Variants in DPP10 observed in about 807,000 individuals in gnomAD.
DPP10 encodes the protein inactive dipeptidyl peptidase 10.
DPP10 carries 33 observed loss-of-function variants against 120.9 expected under a neutral mutation model. That is an observed-to-expected ratio of 0.27 (90% CI 0.21 to 0.37). The LOEUF (loss-of-function observed/expected upper bound fraction) is 0.37. Ranked by LOEUF, DPP10 falls within the 10% of genes least tolerant of loss-of-function variation. DPP10 has a pLI of 1.00. For missense variants in DPP10, 816 were observed against 942.8 expected, an observed-to-expected ratio of 0.87 and a Z score of 1.76; for synonymous variants, 337 against 326.1, an observed-to-expected ratio of 1.03 and a Z score of -0.36.
chr2:115,203,319 C>A (rs2055878067), intron 1 of DPP10, among the ~76,000 whole-genome samples: 3 of 152,128 alleles, frequency 2.0e-5, no homozygotes, highest in Admixed American at 2.0e-4. Context: ...TGTGTAATTT[C>A]AATAGATGCT....
chr2:115,456,445 C>A lies in DPP10; in HGVS notation c.272-43065C>A, dbSNP rs577736436. On this transcript the variant is annotated intron_variant, in intron 3 of 25. Transcript: ENST00000410059. ...GAACTAGAAATACCATTTGACCCAG[C>A]AATCCCATTATTGGGTATATACCCA... 3.0e-4 allele frequency among the ~76,000 whole-genome samples: 46 copies of A among 152,234 alleles called. 2 individuals are homozygous for A. The East Asian group carries it at 8.7e-3, about 29-fold the overall frequency.
chr2:115,808,297 T>A (rs779157638), intron 19 of DPP10, among the ~76,000 whole-genome samples: 10 of 152,096 alleles, frequency 6.6e-5, no homozygotes, highest in Non-Finnish European at 1.0e-4. Context: ...AGACTAGAGG[T>A]CAAGAATACT....
intron 1 of DPP10, among the ~76,000 whole-genome samples, chr2:115,044,445 T>C (rs774176290): frequency 5.3e-5 from 8 of 152,150 alleles, no homozygotes; most frequent in African/African-American, 9.7e-5. Context: ...ACATGTGCCA[T>C]GTTGGTGTGC....
chr2:114,556,814 A>G (rs779510157), intron 1 of DPP10, among the ~76,000 whole-genome samples: 1 of 152,154 alleles, frequency 6.6e-6, no homozygotes, highest in African/African-American at 2.4e-5. Context: ...AGTGTAGCAT[A>G]GTAAAATTCT....
rs765566596 is a variant in DPP10, at chr2:115,762,592, T to C, written c.1095T>C (p.Asp365=). The C allele has an allele frequency of 7.4e-6, 12 of 1,613,506 alleles. No homozygotes were observed. In the Admixed American group the frequency reaches 2.0e-4, roughly 27 times the overall value. Residue 365 remains aspartate (D), a synonymous_variant, in exon 12 of 26, where the codon GAT becomes GAC. Transcript: ENST00000410059. ...TTCAGAAATATGAGATGACATCAGA[T>C]ACGTGGCTCTCTCAGCAGGTACAGT... is the stretch of plus-strand genomic sequence containing the variant. ...ACSKKYEMTS[D]TWLSQQNEEP...
intron 5 of DPP10, among the ~76,000 whole-genome samples, chr2:115,661,962 A>T (rs2089015631): frequency 6.6e-6 from 1 of 152,188 alleles, no homozygotes; most frequent in Non-Finnish European, 1.5e-5. Context: ...TTAGGTCTCT[A>T]GAACTTACCC....
At chr2:115,070,886 C>T (rs2105452403) in intron 1 of DPP10, among the ~76,000 whole-genome samples, 1 of 152,174 alleles carries the variant, frequency 6.6e-6, no homozygotes, top group Non-Finnish European at 1.5e-5. Flanking sequence ...TGCACTTAGC[C>T]TTCACCTAAT....
chr2:115,365,464 A>T (rs940671530), intron 3 of DPP10, among the ~76,000 whole-genome samples: 6 of 152,138 alleles, frequency 3.9e-5, no homozygotes, highest in Admixed American at 3.9e-4. Context: ...CAAGCAGAAA[A>T]TAAATGCATT....
chr2:114,954,385 G>C (rs1698049601), intron 1 of DPP10, among the ~76,000 whole-genome samples: 1 of 151,962 alleles, frequency 6.6e-6, no homozygotes, highest in African/African-American at 2.4e-5. Flanking sequence ...GCCCGGCCAA[G>C]AAGGGCATTT....
At chr2:114,737,751 GT>G (rs1342286729) in intron 1 of DPP10, among the ~76,000 whole-genome samples, 6 of 152,304 alleles carry the variant, frequency 3.9e-5, no homozygotes, top group Non-Finnish European at 8.8e-5. Context: ...TTCTGTCAAG[GT>G]TTAGCTACAT....
At chr2:114,991,445 TA>T (rs1700749833) in intron 1 of DPP10, among the ~76,000 whole-genome samples, 1 of 152,160 alleles carries the variant, frequency 6.6e-6, no homozygotes, top group Non-Finnish European at 1.5e-5. Context: ...CACAAAAGGG[TA>T]ATTCTCTTAA....
At chr2:114,729,366 T>C (rs894760659) in intron 1 of DPP10, among the ~76,000 whole-genome samples, 1 of 152,254 alleles carries the variant, frequency 6.6e-6, no homozygotes, top group Non-Finnish European at 1.5e-5. Context: ...ATGAAATGAC[T>C]ATGGCTCATA....
At chr2:115,398,027 G>T (rs1356252513) in intron 3 of DPP10, among the ~76,000 whole-genome samples, 3 of 152,114 alleles carry the variant, frequency 2.0e-5, no homozygotes, top group Non-Finnish European at 4.4e-5. Context: ...ATAATGTGAT[G>T]AAATTTATGG....
intron 1 of DPP10, among the ~76,000 whole-genome samples, chr2:114,536,657 G>T (rs571520016): frequency 3.4e-4 from 52 of 152,100 alleles, no homozygotes; most frequent in Admixed American, 1.4e-3. Context: ...CACCTGTCTC[G>T]GCCTCTTAAA....
At chr2:115,551,740 A>G (rs975335663) in intron 5 of DPP10, among the ~76,000 whole-genome samples, 2 of 152,088 alleles carry the variant, frequency 1.3e-5, no homozygotes, top group Admixed American at 6.6e-5. Context: ...ATTTGTATAT[A>G]TATTTTATTT....
intron 3 of DPP10, among the ~76,000 whole-genome samples, chr2:115,390,669 T>C (rs1249767404): frequency 2.0e-5 from 3 of 152,160 alleles, no homozygotes; most frequent in African/African-American, 7.2e-5. Context: ...TGTTTACATT[T>C]AGTTAATGAG....
chr2:115,184,468 C>T (rs780386342), intron 1 of DPP10, among the ~76,000 whole-genome samples: 14 of 152,238 alleles, frequency 9.2e-5, no homozygotes, highest in South Asian at 6.2e-4. Context: ...TTTTACAAGA[C>T]GATGGCAGCA....
chr2:115,283,703 G>C (rs1321915535), intron 1 of DPP10, among the ~76,000 whole-genome samples: 1 of 151,988 alleles, frequency 6.6e-6, no homozygotes, highest in Admixed American at 6.6e-5. Flanking sequence ...TTAAAAATGT[G>C]GTTCCCTGAG....
chr2:114,827,625 GTGTT>G (rs1317723450), intron 1 of DPP10, among the ~76,000 whole-genome samples: 4 of 152,136 alleles, frequency 2.6e-5, no homozygotes, highest in Admixed American at 6.5e-5. Flanking sequence ...GTGTGTGTGT[GTGTT>G]TGTGTGTGCA....
Sources: gnomAD v4.1 joint callset for allele counts (sites outside exome capture counted in the v4.1 genomes callset) on GRCh38, gnomAD v4.1.1 for gene constraint, MANE v1.5 for transcripts, NCBI Gene and HGNC (gene_info 2026-07-23, HGNC 2026-07-21) for gene names.